Variants in MKLN1 observed in about 807,000 individuals in gnomAD.
MKLN1 encodes the protein muskelin 1.
In MKLN1, 18 loss-of-function variants were observed where a neutral mutation model predicts 99.0. That is an observed-to-expected ratio of 0.18 (90% CI 0.13 to 0.27). MKLN1 has a LOEUF of 0.27. Ranked by LOEUF, MKLN1 falls within the 10% of genes least tolerant of loss-of-function variation. The pLI, the probability that MKLN1 is intolerant of heterozygous loss-of-function variation, is 1.00. For synonymous variants in MKLN1, 288 were observed against 293.2 expected (o/e 0.98, Z 0.18); for missense variants, 621 against 875.9 (o/e 0.71, Z 3.67).
Position 131,465,520 on chromosome 7 carries a change from T to C in MKLN1, c.1789-756T>C, listed in dbSNP as rs115133776. 6.2e-3 allele frequency among the ~76,000 whole-genome samples: 951 copies of C among 152,316 alleles called. 7 individuals are homozygous for C. Among genetic ancestry groups the C allele is most frequent in the African/African-American group, 0.022 (904 of 41,582 alleles). On this transcript the variant is annotated intron_variant, in intron 14 of 17. Transcript: ENST00000352689. ...GCCATTTAATATTTGGCATTTCAGT[T>C]AAAGCAAAATTAAGATGTTAAAATT...
intron 2 of MKLN1, among the ~76,000 whole-genome samples, chr7:131,185,823 A>G (rs1796441860): frequency 6.6e-6 from 1 of 152,198 alleles, no homozygotes. Flanking sequence ...AGAGATGTAA[A>G]GAGCTTAGAA....
intron 2 of MKLN1, among the ~76,000 whole-genome samples, chr7:131,166,431 G>A (rs1796125766): frequency 6.6e-6 from 1 of 151,702 alleles, no homozygotes; most frequent in Non-Finnish European, 1.5e-5. Context: ...ATCTTACTCA[G>A]AGTAAAAGAA....
chr7:131,453,768 A>G (rs776511348), intron 12 of MKLN1, among the ~76,000 whole-genome samples: 8 of 152,180 alleles, frequency 5.3e-5, no homozygotes, highest in Non-Finnish European at 7.4e-5. Flanking sequence ...AAATTGTTAA[A>G]ATATCAAATA....
rs1455939230 is a variant in MKLN1, at chr7:131,492,358, A to T, written c.*4630A>T. 2.0e-5 allele frequency: 3 copies of T among 152,348 alleles called. No individual in the cohort carries two copies. The highest frequency in any genetic ancestry group is 4.4e-5 in the Non-Finnish European group (3 of 68,040). The allele number at this position is 152,348 out of a possible 1,614,324, so 9.4% of individuals were successfully genotyped here. ...AATATTAGAAGTGGCTTCAGTTGCC[A>T]TGAAATGATTGCTTTTCTTTTTCTT... On this transcript the variant is annotated 3_prime_UTR_variant, in exon 18 of 18. Coordinates refer to ENST00000352689, the MANE Select transcript of MKLN1 (RefSeq NM_013255.5).
At chr7:131,481,813 CAAAAA>C (rs35675974) in intron 17 of MKLN1, among the ~76,000 whole-genome samples, 3 of 109,232 alleles carry the variant, frequency 2.7e-5, no homozygotes, top group African/African-American at 6.8e-5. Flanking sequence ...CTAAGGTCTG[CAAAAA>C]AAAAAAAAAA....
chr7:131,402,348 G>C (rs1424769783), intron 6 of MKLN1, among the ~76,000 whole-genome samples: 1 of 152,126 alleles, frequency 6.6e-6, no homozygotes, highest in African/African-American at 2.4e-5. Flanking sequence ...TCTAATTCTA[G>C]TTCTCTTGCT....
chr7:131,229,725 T>A (rs1797213689), intron 3 of MKLN1, among the ~76,000 whole-genome samples: 1 of 152,044 alleles, frequency 6.6e-6, no homozygotes, highest in Non-Finnish European at 1.5e-5. Flanking sequence ...GCTGCTGATT[T>A]TTTTTATTCG....
chr7:131,215,508 C>G (rs1796967524), intron 3 of MKLN1, among the ~76,000 whole-genome samples: 1 of 151,962 alleles, frequency 6.6e-6, no homozygotes, highest in Admixed American at 6.6e-5. Flanking sequence ...CCACACCCAG[C>G]TAATTTTTAG....
intron 4 of MKLN1, among the ~76,000 whole-genome samples, chr7:131,389,230 T>TTA (rs1794122779): frequency 6.6e-6 from 1 of 152,176 alleles, no homozygotes; most frequent in African/African-American, 2.4e-5. Flanking sequence ...GACTTCTGCT[T>TTA]TATATAAATT....
chr7:131,216,048 C>T (rs1421717063), intron 3 of MKLN1, among the ~76,000 whole-genome samples: 1 of 152,134 alleles, frequency 6.6e-6, no homozygotes, highest in African/African-American at 2.4e-5. Flanking sequence ...AGACCTGGAA[C>T]CGAACCGGCC....
At chr7:131,365,072 C>T (rs1326960516) in intron 1 of MKLN1, among the ~76,000 whole-genome samples, 1 of 152,188 alleles carries the variant, frequency 6.6e-6, no homozygotes, top group Admixed American at 6.6e-5. Context: ...AACTAATTTA[C>T]ACTCCCACTA....
rs1797475416 is a variant in MKLN1 at position 131,493,420 on chromosome 7, T to C, written c.*5692T>C. On this transcript the variant is annotated 3_prime_UTR_variant, in exon 18 of 18. Transcript: ENST00000352689. ...CAAATCGAAAGGAAAAATAAATTTC[T>C]TCATTTCTAACCCTAAAATAATTTT... 6.6e-6 allele frequency: 1 copy of C among 152,238 alleles called. No homozygotes were observed. Among genetic ancestry groups the C allele is most frequent in the Admixed American group, 6.5e-5 (1 of 15,286 alleles). 9.4% of individuals were successfully genotyped at this position (152,238 alleles called of 1,614,324 possible).
intron 4 of MKLN1, among the ~76,000 whole-genome samples, chr7:131,393,980 C>A (rs1422998058): frequency 6.6e-6 from 1 of 150,528 alleles, no homozygotes; most frequent in Non-Finnish European, 1.5e-5. Flanking sequence ...TATTTTATGT[C>A]TGGTGACATA....
In MKLN1 at chr7:131,466,200, C is replaced by T. The variant is rs936004492; in HGVS notation, c.1789-76C>T. 1.0e-5 allele frequency: 10 copies of T among 1,002,846 alleles called. No homozygotes were observed. In the African/African-American group the frequency reaches 1.5e-4, roughly 15 times the overall value. The allele number at this position is 1,002,846 out of a possible 1,614,324, so 62.1% of individuals were successfully genotyped here. A position where few individuals can be genotyped will look rare whatever the true frequency, so the allele number is the denominator to read the frequency against. ...TATTTGAATGGGCTCAGGAAGTTAACCTGTTATGCACTGCTACTAGAATAT... is the reference window on the plus strand; with the variant it reads ...TATTTGAATGGGCTCAGGAAGTTAATCTGTTATGCACTGCTACTAGAATAT... On this transcript the variant is annotated intron_variant, in intron 14 of 17. Transcript: ENST00000352689.
rs865869651 is a variant in MKLN1, at chr7:131,367,171, T to G, written c.99-8253T>G. On this transcript the variant is annotated intron_variant, in intron 1 of 17. Coordinates refer to ENST00000352689, the MANE Select transcript of MKLN1 (RefSeq NM_013255.5). ...TTTTGTAGTCTTTGTATGAGAAACT[T>G]AAAATGTTATTCATTTTTATTGCTT... 1.4e-4 allele frequency among the ~76,000 whole-genome samples: 21 copies of G among 152,334 alleles called. 2 individuals are homozygous for G. The highest frequency in any genetic ancestry group is 6.8e-3 in the Middle Eastern group (2 of 294).
At chr7:131,272,814 C>T (rs964477890) in intron 3 of MKLN1, among the ~76,000 whole-genome samples, 16 of 152,230 alleles carry the variant, frequency 1.1e-4, no homozygotes, top group South Asian at 4.1e-4. Flanking sequence ...GAGAATAGTA[C>T]GGGAAAGACC....
At chr7:131,131,078 G>A (rs1340566668) in intron 1 of MKLN1, among the ~76,000 whole-genome samples, 3 of 129,392 alleles carry the variant, frequency 2.3e-5, no homozygotes, top group Non-Finnish European at 4.9e-5. Context: ...AAAAAAGGTT[G>A]GGTGTGGTGG....
At chr7:131,125,502 G>A (rs1161576108) in intron 1 of MKLN1, among the ~76,000 whole-genome samples, 1 of 152,170 alleles carries the variant, frequency 6.6e-6, no homozygotes, top group Admixed American at 6.5e-5. Context: ...GAAATAAAGG[G>A]CAAGAGGAGT....
intron 3 of MKLN1, among the ~76,000 whole-genome samples, chr7:131,241,442 C>CA (rs1178039071): frequency 1.3e-5 from 2 of 150,908 alleles, no homozygotes; most frequent in East Asian, 3.9e-4. Context: ...GGCGGTGGCT[C>CA]ACGCCTGTAA....
Sources: gnomAD v4.1 joint callset for allele counts (sites outside exome capture counted in the v4.1 genomes callset) on GRCh38, gnomAD v4.1.1 for gene constraint, MANE v1.5 for transcripts, NCBI Gene and HGNC (gene_info 2026-07-23, HGNC 2026-07-21) for gene names.